DAB2: variants seen among roughly 807,000 people sequenced by gnomAD.
The protein encoded by DAB2 is disabled homolog 2.
Under a neutral mutation model 71.6 loss-of-function variants are expected in DAB2, and 28 were observed. The ratio of observed to expected loss-of-function variants is 0.39; its 90% CI spans 0.29 to 0.54. DAB2 has a LOEUF of 0.54. DAB2 is among the 20% of genes least tolerant of loss of function. DAB2 has a pLI of 0.68. For missense variants in DAB2, 867 were observed against 928.8 expected (o/e 0.93, Z 0.86); for synonymous variants, 345 against 339.7 (o/e 1.02, Z -0.17).
At chr5:39,386,892 C>T (rs898796052) in intron 9 of DAB2, among the ~76,000 whole-genome samples, 11 of 152,102 alleles carry the variant, frequency 7.2e-5, no homozygotes, top group Non-Finnish European at 1.6e-4. Context: ...TCAAAAGGAC[C>T]TCAGAGTTAG....
At chr5:39,380,882 C>T (rs1754965639) in intron 11 of DAB2, among the ~76,000 whole-genome samples, 1 of 152,132 alleles carries the variant, frequency 6.6e-6, no homozygotes, top group South Asian at 2.1e-4. Context: ...GCTCCTATGG[C>T]AGAAGTGCTC....
chr5:39,379,673 T>C (rs1213411069), intron 11 of DAB2, among the ~76,000 whole-genome samples: 1 of 152,078 alleles, frequency 6.6e-6, no homozygotes, highest in South Asian at 2.1e-4. Flanking sequence ...TAGATTAAAA[T>C]ACAAGCAAGT....
chr5:39,383,415 TC>T (rs1244228658), intron 9 of DAB2, 144 bp from the exon 10 acceptor site: 1 of 659,382 alleles, frequency 1.5e-6, no homozygotes, highest in Non-Finnish European at 2.6e-6. Flanking sequence ...CCTCCTTCCA[TC>T]AACCCCCGTA....
intron 14 of DAB2, 36 bp downstream of exon 14, chr5:39,374,978 A>C: frequency 1.5e-6 from 2 of 1,349,638 alleles, no homozygotes; most frequent in Non-Finnish European, 1.1e-6. Context: ...TCTCACAAAA[A>C]CCCCTGAGAC....
In DAB2 at chr5:39,382,058, T is replaced by TA. The variant is rs535233127; in HGVS notation, c.1342-443dup. On this transcript the variant is annotated intron_variant, in intron 10 of 14. Transcript: ENST00000320816. Reference sequence around the variant, plus strand: ...CAAGCCTGTATATTCTTAGGAGAGGTAAAAAAAGACACCTATGGGAACTGC... The same window carrying TA: ...CAAGCCTGTATATTCTTAGGAGAGGTAAAAAAAAGACACCTATGGGAACTGC... Among the ~76,000 whole-genome samples the TA allele has an allele frequency of 1.4e-3, 206 of 152,224 alleles. 10 individuals carry two copies. In the South Asian group the frequency reaches 0.04, roughly 29 times the overall value.
rs759991181 is a variant in DAB2 at position 39,394,177 on chromosome 5, A to G, written c.91+53T>C. 14 of 1,403,316 alleles carry G rather than the reference A, an allele frequency of 1.0e-5. 1 individual carries two copies. The highest frequency in any genetic ancestry group is 1.3e-5 in the Non-Finnish European group (13 of 989,366). 86.9% of individuals were successfully genotyped at this position (1,403,316 alleles called of 1,614,324 possible). On this transcript the variant is annotated intron_variant, in intron 2 of 14. Transcript: ENST00000320816. ...TTTATTCTGAATCTCACATTTCTCC[A>G]GGGGTAACCATCTCTAGCTCCCTTC...
chr5:39,375,905 T>G lies in DAB2; in HGVS notation c.2247+92A>C. ...TGTCTTAAAAAAATAAATAAATAAA[T>G]AAAAGCTATTATAAAAGCAAGGTTA... On this transcript the variant is annotated intron_variant, in intron 13 of 14. Coordinates refer to ENST00000320816, the MANE Select transcript of DAB2 (RefSeq NM_001343.4). The G allele has an allele frequency of 6.5e-6, 6 of 924,932 alleles. No individual in the cohort carries two copies. The South Asian group carries it at 7.6e-5, about 12-fold the overall frequency. 57.3% of individuals were successfully genotyped at this position (924,932 alleles called of 1,614,324 possible). A position where few individuals can be genotyped will look rare whatever the true frequency, so the allele number is the denominator to read the frequency against.
chr5:39,393,612 G>T (rs1409142988), intron 2 of DAB2, among the ~76,000 whole-genome samples: 2 of 152,104 alleles, frequency 1.3e-5, no homozygotes, highest in Non-Finnish European at 2.9e-5. Flanking sequence ...TAAACTGTTA[G>T]AAGTACAAAA....
rs74647488 is a variant in DAB2, at chr5:39,414,914, G to A, written c.-102+9890C>T. Among the ~76,000 whole-genome samples the A allele has an allele frequency of 1.3e-4, 20 of 152,138 alleles. No homozygotes were observed. The East Asian group carries it at 3.9e-3, about 29-fold the overall frequency. ...CAAGCACTGCATTATCCTATGTATA[G>A]AGTGACAAAATAGACATGGTCTCTA... On this transcript the variant is annotated intron_variant, in intron 1 of 14. Transcript: ENST00000320816.
chr5:39,401,756 T>TATTC (rs1315974960), intron 1 of DAB2, among the ~76,000 whole-genome samples: 1 of 150,504 alleles, frequency 6.6e-6, no homozygotes, highest in Non-Finnish European at 1.5e-5. Flanking sequence ...TTTATTTATT[T>TATTC]ATTTATTTAT....
rs1256986877 is a variant in DAB2, at chr5:39,372,624, T to C, written c.*807A>G. On this transcript the variant is annotated 3_prime_UTR_variant, in exon 15 of 15. Transcript: ENST00000320816. ...AGGCTCCAGATCTGTCTGTGAATCA[T>C]TAGATTTTTTTTTTTTTTTGCCCTG... 1 of 129,500 alleles carries C rather than the reference T, an allele frequency of 7.7e-6. No homozygotes were observed. Among genetic ancestry groups the C allele is most frequent in the African/African-American group, 2.9e-5 (1 of 34,580 alleles). The allele number at this position is 129,500 out of a possible 1,614,324, so 8.0% of individuals were successfully genotyped here.
At chr5:39,402,826 T>C (rs1018693723) in intron 1 of DAB2, among the ~76,000 whole-genome samples, 1 of 152,190 alleles carries the variant, frequency 6.6e-6, no homozygotes, top group Non-Finnish European at 1.5e-5. Flanking sequence ...TGGGTTCTGA[T>C]AGAAACAGAC....
Position 39,390,627 on chromosome 5 carries a change from C to T in DAB2, c.331-52G>A, listed in dbSNP as rs143937548. On this transcript the variant is annotated intron_variant, in intron 4 of 14. Coordinates refer to ENST00000320816, the MANE Select transcript of DAB2 (RefSeq NM_001343.4). ...TATTAAGAAAACTAGAATCTATTTG[C>T]AGGCTAGCACACCGAAGCCTCAGAC... 3,642 of 1,427,786 alleles carry T rather than the reference C, an allele frequency of 2.6e-3. 11 individuals are homozygous for T. The highest frequency in any genetic ancestry group is 3.2e-3 in the Non-Finnish European group (3,305 of 1,030,616). The allele number at this position is 1,427,786 out of a possible 1,614,324, so 88.4% of individuals were successfully genotyped here.
chr5:39,398,840 G>C (rs2859493), intron 1 of DAB2, among the ~76,000 whole-genome samples: 1 of 152,018 alleles, frequency 6.6e-6, no homozygotes, highest in South Asian at 2.1e-4. Flanking sequence ...AACATGCAGT[G>C]GGTAGAAGGC....
chr5:39,377,108 G>C lies in DAB2; in HGVS notation c.1679C>G (p.Pro560Arg), dbSNP rs758876075. 6.2e-7 allele frequency: 1 copy of C among 1,614,180 alleles called. No individual in the cohort carries two copies. The highest frequency in any genetic ancestry group is 1.7e-5 in the Admixed American group (1 of 60,020). Residue 560 changes from proline to arginine, a missense_variant, in exon 12 of 15, where the codon CCC becomes CGC. Coordinates refer to ENST00000320816, the MANE Select transcript of DAB2 (RefSeq NM_001343.4). ...PAVSGWNQPS[P>R]FAASTPPPVP... ...TGGAGGGGGAGTTGAGGCTGCAAAG[G>C]GTGAAGGCTGGTTCCAACCTGAAAC...
chr5:39,386,034 T>C (rs751363955), intron 9 of DAB2, among the ~76,000 whole-genome samples: 37 of 152,248 alleles, frequency 2.4e-4, no homozygotes, highest in Non-Finnish European at 4.7e-4. Flanking sequence ...CTTTGTATCC[T>C]GATCCCATCC....
intron 4 of DAB2, among the ~76,000 whole-genome samples, chr5:39,391,629 C>T (rs1352014728): frequency 6.6e-6 from 1 of 151,976 alleles, no homozygotes; most frequent in African/African-American, 2.4e-5. Flanking sequence ...AAATGAGCCA[C>T]ACACAACATT....
intron 1 of DAB2, among the ~76,000 whole-genome samples, chr5:39,421,891 T>G (rs893078115): frequency 9.1e-6 from 1 of 109,862 alleles, no homozygotes; most frequent in African/African-American, 3.7e-5. Flanking sequence ...ACCCCGTCTC[T>G]ACTACTACTA....
chr5:39,414,746 T>C (rs1755811150), intron 1 of DAB2, among the ~76,000 whole-genome samples: 1 of 152,006 alleles, frequency 6.6e-6, no homozygotes, highest in African/African-American at 2.4e-5. Flanking sequence ...GTTTTACTTA[T>C]ACCAACAGAT....
Sources: allele counts gnomAD v4.1 joint callset (sites outside exome capture counted in the v4.1 genomes callset), GRCh38; gene constraint gnomAD v4.1.1; transcripts MANE v1.5; gene names NCBI Gene and HGNC (gene_info 2026-07-23, HGNC 2026-07-21).